PSMD14: variants seen among roughly 807,000 people sequenced by gnomAD.
The protein encoded by PSMD14 is proteasome 26S subunit, non-ATPase 14.
Under a neutral mutation model 41.2 loss-of-function variants are expected in PSMD14, and 7 were observed. That is an observed-to-expected ratio of 0.17 (90% confidence interval 0.10 to 0.32). The LOEUF is 0.32. Among genes scored for constraint, PSMD14 ranks in the 10% least tolerant of loss-of-function variants. The pLI, the probability that PSMD14 is intolerant of heterozygous loss-of-function variation, is 1.00. For missense variants in PSMD14, 139 were observed against 375.6 expected, an observed-to-expected ratio of 0.37 and a Z score of 5.21; for synonymous variants, 114 against 122.3, an observed-to-expected ratio of 0.93 and a Z score of 0.45.
chr2:161,326,954 A>G (rs1215910549), intron 3 of PSMD14, among the ~76,000 whole-genome samples: 2 of 152,018 alleles, frequency 1.3e-5, no homozygotes, highest in East Asian at 1.9e-4. Flanking sequence ...GATATTTTCT[A>G]TCTATGGTTG....
chr2:161,375,051 A>G (rs1333398384), intron 7 of PSMD14, among the ~76,000 whole-genome samples: 3 of 152,002 alleles, frequency 2.0e-5, no homozygotes, highest in Admixed American at 1.3e-4. Flanking sequence ...TTCTTGAAGC[A>G]TTTTTATTTA....
At chr2:161,367,751 T>G (rs770352902) in intron 4 of PSMD14, 33 bp from the exon 5 acceptor site, 1 of 1,603,032 alleles carries the variant, frequency 6.2e-7, no homozygotes, top group Non-Finnish European at 8.5e-7. Flanking sequence ...TCAACGAAAT[T>G]TGCTTTGTGT....
intron 8 of PSMD14, among the ~76,000 whole-genome samples, chr2:161,389,910 T>TTTTTTTTTTTTTTTTTTTTTTTTTTTTTG (rs1683689773): frequency 7.5e-6 from 1 of 133,656 alleles, no homozygotes; most frequent in Non-Finnish European, 1.6e-5. Context: ...TTTTTTTTTT[T>TTTTTTTTTTTTTTTTTTTTTTTTTTTTTG]TTAGAGATGG....
At chr2:161,352,996 G>A (rs1413195958) in intron 3 of PSMD14, among the ~76,000 whole-genome samples, 1 of 151,988 alleles carries the variant, frequency 6.6e-6, no homozygotes, top group Admixed American at 6.6e-5. Flanking sequence ...TCATCCAGTG[G>A]TGTCCATTGC....
intron 3 of PSMD14, among the ~76,000 whole-genome samples, chr2:161,346,143 G>A (rs1460476351): frequency 6.6e-6 from 1 of 152,068 alleles, no homozygotes; most frequent in African/African-American, 2.4e-5. Context: ...TTGGCCTCCC[G>A]AAGTGCTGGG....
At chr2:161,373,919 C>T (rs993976861) in intron 7 of PSMD14, among the ~76,000 whole-genome samples, 3 of 151,702 alleles carry the variant, frequency 2.0e-5, no homozygotes, top group Non-Finnish European at 4.4e-5. Context: ...ACCATTTCAA[C>T]TTATCTCATT....
chr2:161,379,740 G>A (rs180805389), intron 7 of PSMD14, among the ~76,000 whole-genome samples: 1 of 152,158 alleles, frequency 6.6e-6, no homozygotes, highest in East Asian at 1.9e-4. Flanking sequence ...CAGCAGTGAA[G>A]GGTTGACCAT....
At chr2:161,402,599 C>G (rs952125333) in intron 10 of PSMD14, among the ~76,000 whole-genome samples, 1 of 151,998 alleles carries the variant, frequency 6.6e-6, no homozygotes, top group African/African-American at 2.4e-5. Flanking sequence ...CGTGATCATA[C>G]CACTGTACTT....
chr2:161,343,720 C>T (rs576590468), intron 3 of PSMD14, among the ~76,000 whole-genome samples: 10 of 152,228 alleles, frequency 6.6e-5, no homozygotes, highest in Middle Eastern at 3.4e-3. Flanking sequence ...TTTAGCTCCT[C>T]GGGAGCCTAA....
At chr2:161,359,757 A>G (rs186064550) in intron 3 of PSMD14, among the ~76,000 whole-genome samples, 43 of 152,310 alleles carry the variant, frequency 2.8e-4, no homozygotes, top group Non-Finnish European at 5.0e-4. Context: ...ATTATAAACA[A>G]TGGAAGTGAA....
intron 3 of PSMD14, among the ~76,000 whole-genome samples, chr2:161,334,271 G>T (rs1433801188): frequency 6.6e-6 from 1 of 152,194 alleles, no homozygotes; most frequent in African/African-American, 2.4e-5. Context: ...AGGAGGTGGA[G>T]GTTGTGTTGA....
At position 161,411,305 on chromosome 2, in the gene PSMD14, C is replaced by A. The variant is rs1219625403; in HGVS notation, c.838C>A (p.Pro280Thr). 2 of 1,601,656 alleles carry A rather than the reference C, an allele frequency of 1.2e-6. No individual in the cohort carries two copies. The highest frequency in any genetic ancestry group is 1.7e-5 in the Admixed American group (1 of 58,584). ...LAIKNVGKQDPKRHLEEHVDV... is the reference protein window; with the variant it reads ...LAIKNVGKQDTKRHLEEHVDV... The stretch of plus-strand genomic sequence containing the variant: ...TTCCTCATTTTTGTTCTTTTAGGAC[C>A]CCAAACGTCATTTGGAGGAACATGT... Residue 280 changes from proline to threonine, a missense_variant, in exon 12 of 12, where the codon CCC becomes ACC. This residue lies in a region of PSMD14 where 80 missense variants were observed against 138.1 expected (regional missense o/e 0.58). Transcript: ENST00000409682.
intron 3 of PSMD14, among the ~76,000 whole-genome samples, chr2:161,342,396 A>G (rs1368168764): frequency 1.3e-5 from 2 of 151,864 alleles, no homozygotes; most frequent in Admixed American, 1.3e-4. Flanking sequence ...ATGTATCGAG[A>G]TGATTATATG....
intron 3 of PSMD14, among the ~76,000 whole-genome samples, chr2:161,352,436 T>C (rs530699269): frequency 2.6e-5 from 4 of 152,338 alleles, no homozygotes; most frequent in Admixed American, 6.5e-5. Context: ...TTTATTATAT[T>C]ACCAAGACTT....
intron 7 of PSMD14, chr2:161,384,797 T>C (rs1683613610): frequency 1.3e-5 from 2 of 151,828 alleles, no homozygotes; most frequent in Admixed American, 6.6e-5. Context: ...TATTGTAATA[T>C]CTTTACCATG....
At chr2:161,346,198 T>G (rs1683039773) in intron 3 of PSMD14, among the ~76,000 whole-genome samples, 1 of 152,164 alleles carries the variant, frequency 6.6e-6, no homozygotes, top group African/African-American at 2.4e-5. Context: ...ATTTTTTTGT[T>G]AAATCTTCTA....
At chr2:161,392,897 A>T (rs775717843) in intron 9 of PSMD14, among the ~76,000 whole-genome samples, 20 of 152,308 alleles carry the variant, frequency 1.3e-4, no homozygotes, top group Non-Finnish European at 2.5e-4. Context: ...ACACCCATCT[A>T]TTTGGAAATG....
intron 3 of PSMD14, among the ~76,000 whole-genome samples, chr2:161,362,310 G>C (rs1335858362): frequency 6.6e-6 from 1 of 152,170 alleles, no homozygotes; most frequent in African/African-American, 2.4e-5. Flanking sequence ...TACTATAAAA[G>C]ATAGAGCATA....
At chr2:161,319,262 A>G (rs1689176635) in intron 3 of PSMD14, among the ~76,000 whole-genome samples, 1 of 152,094 alleles carries the variant, frequency 6.6e-6, no homozygotes, top group African/African-American at 2.4e-5. Flanking sequence ...AAACTGACCC[A>G]TAGAATGTTT....
Sources: gnomAD v4.1 joint callset for allele counts (sites outside exome capture counted in the v4.1 genomes callset) on GRCh38, gnomAD v4.1.1 for gene constraint, gnomAD v4.1.1 regional missense constraint, MANE v1.5 for transcripts, NCBI Gene and HGNC (gene_info 2026-07-23, HGNC 2026-07-21) for gene names.